The following FSTL4 variants were observed in gnomAD, a reference collection of about 807,000 sequenced individuals.
FSTL4 encodes follistatin like 4, also known as follistatin-related protein 4.
A neutral mutation model predicts 78.2 loss-of-function variants in FSTL4; 28 were observed. The observed-to-expected ratio is 0.36, with a 90% confidence interval of 0.27 to 0.49. The LOEUF (loss-of-function observed/expected upper bound fraction) is 0.49. FSTL4 is among the 20% of genes least tolerant of loss of function. The probability of loss-of-function intolerance (pLI) is 0.98; values close to 1 mark genes in which losing one functional copy is unlikely to be tolerated. For missense variants in FSTL4, 922 were observed against 1,084.9 expected (o/e 0.85, Z 2.11); for synonymous variants, 422 against 440.5 (o/e 0.96, Z 0.53).
chr5:133,713,442 G>A, the FSTL4 span, among the ~76,000 whole-genome samples: 1 of 152,174 alleles, frequency 6.6e-6, no homozygotes, highest in Non-Finnish European at 1.5e-5. Flanking sequence ...TCTGACTGAT[G>A]GTACCTTTGC....
At chr5:133,487,860 AC>A (rs1288551501) in intron 3 of FSTL4, among the ~76,000 whole-genome samples, 1 of 152,172 alleles carries the variant, frequency 6.6e-6, no homozygotes, top group Non-Finnish European at 1.5e-5. Flanking sequence ...TCCTGCAGAC[AC>A]CGGGTCTGGC....
At chr5:133,475,442 C>T (rs1561731943) in intron 3 of FSTL4, among the ~76,000 whole-genome samples, 1 of 152,218 alleles carries the variant, frequency 6.6e-6, no homozygotes, top group Non-Finnish European at 1.5e-5. Context: ...CTCCCCCTCC[C>T]CTGCCACAAC....
At chr5:133,573,691 G>T (rs1760211916) in intron 2 of FSTL4, among the ~76,000 whole-genome samples, 1 of 152,138 alleles carries the variant, frequency 6.6e-6, no homozygotes, top group East Asian at 1.9e-4. Flanking sequence ...CATCAGTAAG[G>T]ATATAGAAGA....
intron 3 of FSTL4, among the ~76,000 whole-genome samples, chr5:133,437,845 G>A (rs1757069096): frequency 1.3e-5 from 2 of 151,794 alleles, no homozygotes; most frequent in Admixed American, 1.3e-4. Context: ...TCATTGAGAA[G>A]TTGTTCTCTT....
In FSTL4 at chr5:133,361,753, A is replaced by G. The variant is rs1487905438; in HGVS notation, c.409+38985T>C. Among the ~76,000 whole-genome samples, 6 of 152,160 alleles carry G rather than the reference A, an allele frequency of 3.9e-5. No homozygotes were observed. The highest frequency in any genetic ancestry group is 3.9e-4 in the Admixed American group (6 of 15,272). Reference sequence around the variant, plus strand: ...TGGTTTTTTTGGCAATCACTGGGGCATTTTCAGCAGTCTCAATGATTGAGG... The same window carrying G: ...TGGTTTTTTTGGCAATCACTGGGGCGTTTTCAGCAGTCTCAATGATTGAGG... On this transcript the variant is annotated intron_variant, in intron 4 of 15. Coordinates refer to ENST00000265342, the MANE Select transcript of FSTL4 (RefSeq NM_015082.2). The surrounding 1 kb of genome is among the most constrained non-coding windows in gnomAD (Gnocchi z 4.3).
chr5:133,798,209 G>A, the FSTL4 span, among the ~76,000 whole-genome samples: 3 of 152,206 alleles, frequency 2.0e-5, no homozygotes, highest in South Asian at 6.2e-4. Context: ...CTTCCCCTCA[G>A]GCCAAAAATA....
the FSTL4 span, among the ~76,000 whole-genome samples, chr5:133,798,507 GA>G: frequency 7.4e-6 from 1 of 135,710 alleles, no homozygotes; most frequent in African/African-American, 2.8e-5. Flanking sequence ...ACTAGATTTA[GA>G]AAAAAAAACT....
chr5:133,217,301 C>G lies in FSTL4; in HGVS notation c.1536G>C (p.Arg512=), dbSNP rs1269327454. 1 of 1,613,902 alleles carries G rather than the reference C, an allele frequency of 6.2e-7. No homozygotes were observed. Among genetic ancestry groups the G allele is most frequent in the African/African-American group, 1.3e-5 (1 of 74,916 alleles). ...QWVSAVNVRN[R]YIYVAQPALS... ...GTGCTGGCTGGGCCACATAGATGTA[C>G]CGGTTCCGGACATTGACTGCAGATA... The change falls in exon 13 of 16, where the codon CGG becomes CGC. Residue 512 remains arginine, a synonymous_variant. Transcript: ENST00000265342.
At chr5:133,653,298 G>A in the FSTL4 span, among the ~76,000 whole-genome samples, 1 of 152,130 alleles carries the variant, frequency 6.6e-6, no homozygotes, top group Non-Finnish European at 1.5e-5. Flanking sequence ...TTCACATAGC[G>A]TTTGTCCCTG....
chr5:133,250,771 T>C (rs1424360689), intron 6 of FSTL4, among the ~76,000 whole-genome samples: 1 of 152,242 alleles, frequency 6.6e-6, no homozygotes, highest in Non-Finnish European at 1.5e-5. Context: ...AACAGGGTCC[T>C]GAGGTCAGAC....
intron 8 of FSTL4, among the ~76,000 whole-genome samples, chr5:133,232,040 G>A (rs1300842526): frequency 2.6e-5 from 4 of 152,186 alleles, no homozygotes; most frequent in South Asian, 4.2e-4. Context: ...GGAATGAATC[G>A]CTACTTGTCT....
intron 3 of FSTL4, among the ~76,000 whole-genome samples, chr5:133,534,056 T>C (rs1759306215): frequency 6.6e-6 from 1 of 152,204 alleles, no homozygotes; most frequent in Non-Finnish European, 1.5e-5. Flanking sequence ...CTGAGACTAA[T>C]TTATAATAAA....
intron 6 of FSTL4, among the ~76,000 whole-genome samples, chr5:133,277,644 G>A (rs1752912502): frequency 6.6e-6 from 1 of 152,184 alleles, no homozygotes; most frequent in Admixed American, 6.5e-5. Context: ...GTCCTGGGAG[G>A]AGCCTGCAGG....
intron 3 of FSTL4, among the ~76,000 whole-genome samples, chr5:133,476,345 A>T (rs1175009664): frequency 2.0e-5 from 3 of 152,214 alleles, no homozygotes; most frequent in Non-Finnish European, 4.4e-5. Context: ...TGTCTTGTGT[A>T]TACCACATTG....
chr5:133,408,320 G>T (rs1434024298), intron 3 of FSTL4, among the ~76,000 whole-genome samples: 2 of 152,116 alleles, frequency 1.3e-5, no homozygotes, highest in East Asian at 3.9e-4. Flanking sequence ...TGAGGGAGCT[G>T]CCAAGGTCTC....
At chr5:133,379,948 G>A (rs970412018) in intron 4 of FSTL4, among the ~76,000 whole-genome samples, 7 of 151,978 alleles carry the variant, frequency 4.6e-5, no homozygotes, top group South Asian at 2.1e-4. Context: ...GGTGGCTTGC[G>A]CCTGTAGTCT....
chr5:133,386,335 G>A (rs370197845), intron 4 of FSTL4, among the ~76,000 whole-genome samples: 1 of 152,184 alleles, frequency 6.6e-6, no homozygotes, highest in South Asian at 2.1e-4. Context: ...TCTCCGTGGG[G>A]CTATAGCCAC....
chr5:133,379,872 C>A (rs1263556386), intron 4 of FSTL4, among the ~76,000 whole-genome samples: 1 of 151,730 alleles, frequency 6.6e-6, no homozygotes, highest in Non-Finnish European at 1.5e-5. Flanking sequence ...GTCAAGAGAT[C>A]GAGACCATCC....
At chr5:133,821,869 G>A in the FSTL4 span, among the ~76,000 whole-genome samples, 17 of 152,294 alleles carry the variant, frequency 1.1e-4, no homozygotes, top group Admixed American at 3.3e-4. Context: ...TGCCAGGAAC[G>A]TAGCGGTGCA....
Sources: allele counts gnomAD v4.1 joint callset (sites outside exome capture counted in the v4.1 genomes callset), GRCh38; gene constraint gnomAD v4.1.1; non-coding constraint Gnocchi (gnomAD v3.1); transcripts MANE v1.5; gene names NCBI Gene and HGNC (gene_info 2026-07-23, HGNC 2026-07-21).